Variants in CPNE8 observed in about 807,000 individuals in gnomAD.
CPNE8 encodes copine 8.
In CPNE8, 45 loss-of-function variants were observed where a neutral mutation model predicts 81.5. That is an observed-to-expected ratio of 0.55 (90% CI 0.44 to 0.71). The LOEUF (loss-of-function observed/expected upper bound fraction) is 0.71, where lower values mean the gene tolerates loss of function less well. Among genes scored for constraint, CPNE8 ranks in the 30% least tolerant of loss-of-function variants. CPNE8 has a pLI of 0.00. For missense variants in CPNE8, 594 were observed against 672.1 expected (o/e 0.88, Z 1.28); for synonymous variants, 252 against 226.3 (o/e 1.11, Z -1.02).
intron 10 of CPNE8, among the ~76,000 whole-genome samples, chr12:38,751,944 T>A (rs1325185540): frequency 6.6e-6 from 1 of 152,218 alleles, no homozygotes; most frequent in African/African-American, 2.4e-5. Context: ...GCTGCTCTCT[T>A]TACTGTTCTT....
chr12:38,876,972 T>C (rs1944076906), intron 1 of CPNE8, among the ~76,000 whole-genome samples: 1 of 152,150 alleles, frequency 6.6e-6, no homozygotes, highest in Non-Finnish European at 1.5e-5. Context: ...ATAAGATAGG[T>C]ATTATTGTGA....
chr12:38,763,647 A>G (rs938986496), intron 8 of CPNE8, among the ~76,000 whole-genome samples: 3 of 152,186 alleles, frequency 2.0e-5, no homozygotes, highest in African/African-American at 7.2e-5. Context: ...CATTTCCACA[A>G]AACTATTCAA....
intron 10 of CPNE8, among the ~76,000 whole-genome samples, chr12:38,740,829 A>G (rs1394913985): frequency 6.6e-6 from 1 of 152,156 alleles, no homozygotes; most frequent in Non-Finnish European, 1.5e-5. Flanking sequence ...GATGTTCATC[A>G]GGGATATTGG....
intron 6 of CPNE8, among the ~76,000 whole-genome samples, chr12:38,819,766 CAAAAAAAAAA>C (rs71068584): frequency 3.1e-5 from 2 of 65,308 alleles, no homozygotes; most frequent in Non-Finnish European, 5.6e-5. Context: ...GACTCCGTCT[CAAAAAAAAAA>C]AAAAAAAAAA....
At chr12:38,689,832 G>A (rs751345878) in intron 15 of CPNE8, among the ~76,000 whole-genome samples, 10 of 152,178 alleles carry the variant, frequency 6.6e-5, no homozygotes, top group African/African-American at 1.7e-4. Context: ...GCACTATTGC[G>A]TTTTCAGTTA....
intron 10 of CPNE8, among the ~76,000 whole-genome samples, chr12:38,758,291 C>A (rs751961363): frequency 9.2e-5 from 14 of 151,982 alleles, no homozygotes; most frequent in Non-Finnish European, 1.8e-4. Context: ...TTCTTTCTAC[C>A]TAACTTCTAG....
chr12:38,808,915 T>A (rs1942878555), intron 6 of CPNE8, among the ~76,000 whole-genome samples: 1 of 152,084 alleles, frequency 6.6e-6, no homozygotes, highest in Admixed American at 6.6e-5. Context: ...TCAAGCACGC[T>A]AGTAAACAGG....
chr12:38,889,065 C>T (rs1308881970), intron 1 of CPNE8, among the ~76,000 whole-genome samples: 3 of 152,182 alleles, frequency 2.0e-5, no homozygotes, highest in Non-Finnish European at 4.4e-5. Flanking sequence ...TGAGAATTTA[C>T]AGTTTAATAG....
At chr12:38,779,802 A>G (rs976294918) in intron 6 of CPNE8, among the ~76,000 whole-genome samples, 9 of 152,180 alleles carry the variant, frequency 5.9e-5, no homozygotes, top group Middle Eastern at 3.2e-3. Flanking sequence ...AGGTTGCAGA[A>G]TCAAACACAG....
At chr12:38,711,382 A>C (rs1940252518) in intron 13 of CPNE8, among the ~76,000 whole-genome samples, 1 of 152,136 alleles carries the variant, frequency 6.6e-6, no homozygotes, top group South Asian at 2.1e-4. Context: ...GCTCTGAAAA[A>C]ATTTATCTGC....
intron 5 of CPNE8, among the ~76,000 whole-genome samples, chr12:38,838,792 T>C (rs1943424138): frequency 6.6e-6 from 1 of 152,042 alleles, no homozygotes; most frequent in African/African-American, 2.4e-5. Flanking sequence ...CACAAATAAA[T>C]CTCATACCTC....
chr12:38,668,641 A>T (rs774188471), intron 19 of CPNE8, among the ~76,000 whole-genome samples: 95 of 152,198 alleles, frequency 6.2e-4, no homozygotes, highest in Non-Finnish European at 1.2e-3. Context: ...CAGTAATTCA[A>T]TTTTTTGGAA....
At chr12:38,796,693 C>G (rs150580424) in intron 6 of CPNE8, among the ~76,000 whole-genome samples, 4 of 151,970 alleles carry the variant, frequency 2.6e-5, no homozygotes, top group Admixed American at 2.6e-4. Flanking sequence ...ACACAGTGGG[C>G]GCAGGACAGT....
intron 10 of CPNE8, among the ~76,000 whole-genome samples, chr12:38,752,903 C>A (rs1254319876): frequency 6.6e-6 from 1 of 151,920 alleles, no homozygotes; most frequent in African/African-American, 2.4e-5. Flanking sequence ...TGAACATTAT[C>A]GGTATTTAGA....
chr12:38,714,072 A>C (rs963077566), intron 13 of CPNE8, among the ~76,000 whole-genome samples: 1 of 152,070 alleles, frequency 6.6e-6, no homozygotes, highest in Admixed American at 6.6e-5. Flanking sequence ...ATAACACTTG[A>C]GAGACATAGA....
chr12:38,728,933 G>C (rs1234389250), intron 11 of CPNE8, among the ~76,000 whole-genome samples: 2 of 152,006 alleles, frequency 1.3e-5, no homozygotes, highest in South Asian at 2.1e-4. Flanking sequence ...GGCCTTACAG[G>C]GTATTTAAGA....
intron 13 of CPNE8, among the ~76,000 whole-genome samples, chr12:38,708,877 C>A (rs577338089): frequency 6.6e-6 from 1 of 152,188 alleles, no homozygotes; most frequent in Non-Finnish European, 1.5e-5. Flanking sequence ...ACTAACAAAA[C>A]TGTGATAGGG....
chr12:38,668,885 T>C (rs1939114019), intron 19 of CPNE8, among the ~76,000 whole-genome samples: 1 of 151,376 alleles, frequency 6.6e-6, no homozygotes, highest in South Asian at 2.1e-4. Flanking sequence ...CCATCTCTAC[T>C]AAAAAAATAC....
intron 11 of CPNE8, among the ~76,000 whole-genome samples, chr12:38,725,332 G>A (rs989909106): frequency 2.6e-5 from 4 of 152,118 alleles, no homozygotes; most frequent in African/African-American, 9.7e-5. Flanking sequence ...CCTCACTATT[G>A]CTTTATAATG....
Sources: allele counts gnomAD v4.1 joint callset (sites outside exome capture counted in the v4.1 genomes callset), GRCh38; gene constraint gnomAD v4.1.1; transcripts MANE v1.5; gene names NCBI Gene and HGNC (gene_info 2026-07-23, HGNC 2026-07-21).